The following UBR2 variants were observed in gnomAD, a reference collection of about 807,000 sequenced individuals.
The protein encoded by UBR2 is ubiquitin protein ligase E3 component n-recognin 2.
UBR2 carries 92 observed loss-of-function variants against 247.9 expected under a neutral mutation model. That is an observed-to-expected ratio of 0.37 (90% confidence interval 0.31 to 0.44). The LOEUF is 0.44. Among genes scored for constraint, UBR2 ranks in the 20% least tolerant of loss-of-function variants. The pLI is 1.00. For synonymous variants in UBR2, 672 were observed against 693.5 expected, an observed-to-expected ratio of 0.97 and a Z score of 0.49; for missense variants, 1,613 against 2,112.6, an observed-to-expected ratio of 0.76 and a Z score of 4.64.
intron 22 of UBR2, among the ~76,000 whole-genome samples, chr6:42,648,938 T>C (rs1188088063): frequency 2.0e-5 from 3 of 152,074 alleles, no homozygotes; most frequent in African/African-American, 7.2e-5. Flanking sequence ...TTTGTGTCTT[T>C]GGGGGGGCGG....
At chr6:42,687,429 C>T (rs1419350864) in intron 44 of UBR2, among the ~76,000 whole-genome samples, 1 of 152,148 alleles carries the variant, frequency 6.6e-6, no homozygotes, top group Non-Finnish European at 1.5e-5. Flanking sequence ...GCCAAGATGG[C>T]GGCAGTACAG....
intron 1 of UBR2, among the ~76,000 whole-genome samples, chr6:42,572,689 T>A (rs1361629302): frequency 6.6e-6 from 1 of 152,032 alleles, no homozygotes; most frequent in Non-Finnish European, 1.5e-5. Context: ...CACGGTTCAG[T>A]TAACTGCATT....
intron 4 of UBR2, among the ~76,000 whole-genome samples, chr6:42,594,708 C>G (rs1191925144): frequency 6.6e-6 from 1 of 152,172 alleles, no homozygotes; most frequent in Non-Finnish European, 1.5e-5. Context: ...CAATCCCAAT[C>G]ATCATCTCCT....
intron 11 of UBR2, among the ~76,000 whole-genome samples, chr6:42,622,274 G>A (rs776180762): frequency 4.0e-5 from 6 of 151,270 alleles, no homozygotes; most frequent in Admixed American, 6.6e-5. Flanking sequence ...CCATCTCAGC[G>A]TCCCAAAGTG....
intron 2 of UBR2, among the ~76,000 whole-genome samples, chr6:42,578,376 G>A (rs2151906724): frequency 6.6e-6 from 1 of 152,180 alleles, no homozygotes; most frequent in East Asian, 1.9e-4. Context: ...AATCCCATTA[G>A]GCAAAACTAG....
chr6:42,570,557 A>T (rs1367637152), intron 1 of UBR2, among the ~76,000 whole-genome samples: 1 of 152,064 alleles, frequency 6.6e-6, no homozygotes, highest in Non-Finnish European at 1.5e-5. Context: ...AAAAATGGGG[A>T]GCATATGCAT....
intron 7 of UBR2, among the ~76,000 whole-genome samples, chr6:42,607,080 C>G (rs1255215612): frequency 1.3e-5 from 2 of 152,128 alleles, no homozygotes; most frequent in East Asian, 3.9e-4. Flanking sequence ...AAACTATTCT[C>G]CACATTTGGA....
rs1582706999 is a variant in UBR2 at position 42,673,794 on chromosome 6, G to A, written c.4090G>A (p.Asp1364Asn). The stretch of plus-strand genomic sequence containing the variant: ...TAATTGCGTTGGTTTATTTTAGGAT[G>A]ACTGTCTTAGGTCATTGACGAGATT... The part of the protein sequence containing the change: ...LFGPLPCRLD[D>N]CLRSLTRFAA... Residue 1364 changes from aspartate (D) to asparagine (N), a missense_variant, in exon 37 of 47, where the codon GAC becomes AAC. Asp to Asn is a conservative substitution (Grantham distance 23, BLOSUM62 1). Around this residue, in one of 3 missense-constraint regions of UBR2, gnomAD observed 1,524 missense variants for 1,967.3 expected, o/e 0.77. Transcript: ENST00000372901. 1 of 1,611,794 alleles carries A rather than the reference G, an allele frequency of 6.2e-7. No individual in the cohort carries two copies. The highest frequency in any genetic ancestry group is 1.7e-5 in the Admixed American group (1 of 59,668).
chr6:42,658,848 T>A, intron 29 of UBR2, 24 bp downstream of exon 29: 1 of 1,348,126 alleles, frequency 7.4e-7, no homozygotes, highest in Middle Eastern at 1.9e-4. Flanking sequence ...AAAAAAAAAT[T>A]AATGTCTTGA....
At chr6:42,666,305 G>A in intron 34 of UBR2, 60 bp downstream of exon 34, 1 of 1,412,580 alleles carries the variant, frequency 7.1e-7, no homozygotes, top group Non-Finnish European at 9.8e-7. Flanking sequence ...GATTAAGTCA[G>A]CAGTTAGGAG....
chr6:42,614,206 C>CAATATA (rs1794293419), intron 8 of UBR2, among the ~76,000 whole-genome samples: 1 of 25,196 alleles, frequency 4.0e-5, no homozygotes, highest in Non-Finnish European at 7.4e-5. Flanking sequence ...AAAAAAAAAA[C>CAATATA]TATATATATA....
At chr6:42,620,859 C>T (rs1794947099) in intron 11 of UBR2, among the ~76,000 whole-genome samples, 1 of 152,056 alleles carries the variant, frequency 6.6e-6, no homozygotes, top group Non-Finnish European at 1.5e-5. Flanking sequence ...GGCTGTAGTG[C>T]AGTGGCGTGA....
At chr6:42,564,822 T>G (rs1210299899) in intron 1 of UBR2, among the ~76,000 whole-genome samples, 1 of 152,144 alleles carries the variant, frequency 6.6e-6, no homozygotes. Context: ...AGCCGTGTGC[T>G]CCTCCGACTA....
intron 1 of UBR2, among the ~76,000 whole-genome samples, chr6:42,572,257 A>G (rs894084620): frequency 9.2e-5 from 14 of 152,150 alleles, no homozygotes; most frequent in African/African-American, 2.7e-4. Flanking sequence ...CCCTTAACTT[A>G]TGAACAAAAT....
At chr6:42,589,220 C>T (rs1792499329) in intron 2 of UBR2, among the ~76,000 whole-genome samples, 1 of 152,188 alleles carries the variant, frequency 6.6e-6, no homozygotes, top group South Asian at 2.1e-4. Context: ...CCTCTCACCT[C>T]AGCCTCCCAA....
chr6:42,648,077 T>C lies in UBR2; in HGVS notation c.2410-41T>C, dbSNP rs1796886957. 1.9e-6 allele frequency: 3 copies of C among 1,546,630 alleles called. No individual in the cohort carries two copies. In the African/African-American group the frequency reaches 4.1e-5, roughly 21 times the overall value. On this transcript the variant is annotated intron_variant, in intron 21 of 46. Coordinates refer to ENST00000372901, the MANE Select transcript of UBR2 (RefSeq NM_001363705.2). ...AACACAATGCTAAGAGTGCTAGTAG[T>C]TATTATTAACATGAAACACACTTGT...
chr6:42,644,080 G>A (rs1391135033), intron 18 of UBR2, 134 bp from the exon 19 acceptor site: 1 of 842,766 alleles, frequency 1.2e-6, no homozygotes. Context: ...CTTTTATTGG[G>A]ATTGGTGAAC....
chr6:42,659,998 C>T lies in UBR2; in HGVS notation c.3442+143C>T. On this transcript the variant is annotated intron_variant, in intron 30 of 46. Coordinates refer to ENST00000372901, the MANE Select transcript of UBR2 (RefSeq NM_001363705.2). This position sits in a 1 kb window ranked among gnomAD's most constrained non-coding sequence, Gnocchi z 4.3. The stretch of plus-strand genomic sequence containing the variant: ...TTGGCAGGTAACTTAGGCAGGAATT[C>T]CCCACTTGGCAGATGTGGAACCACT... 1 of 763,966 alleles carries T rather than the reference C, an allele frequency of 1.3e-6. No homozygotes were observed. The highest frequency in any genetic ancestry group is 2.1e-6 in the Non-Finnish European group (1 of 480,122). The allele number at this position is 763,966 out of a possible 1,614,324, so 47.3% of individuals were successfully genotyped here.
chr6:42,683,877 T>A (rs927969700), intron 43 of UBR2, among the ~76,000 whole-genome samples: 7 of 152,186 alleles, frequency 4.6e-5, no homozygotes, highest in Non-Finnish European at 1.0e-4. Context: ...CCCAAAGCAC[T>A]TCTGGTCCCA....
Sources: gnomAD v4.1 joint callset for allele counts (sites outside exome capture counted in the v4.1 genomes callset) on GRCh38, gnomAD v4.1.1 for gene constraint, gnomAD v4.1.1 regional missense constraint, Gnocchi (gnomAD v3.1) non-coding constraint, MANE v1.5 for transcripts, NCBI Gene and HGNC (gene_info 2026-07-23, HGNC 2026-07-21) for gene names.